CDH13: variants seen among roughly 807,000 people sequenced by gnomAD.
CDH13 encodes cadherin-13.
A neutral mutation model predicts 63.8 loss-of-function variants in CDH13; 24 were observed. The observed-to-expected ratio is 0.38, with a 90% CI of 0.27 to 0.53. CDH13 has a LOEUF of 0.53. Ranked by LOEUF, CDH13 falls within the 20% of genes least tolerant of loss-of-function variation. The pLI is 0.85. For missense variants in CDH13, 1,049 were observed against 903.1 expected, an observed-to-expected ratio of 1.16 and a Z score of -2.07; for synonymous variants, 503 against 355.3, an observed-to-expected ratio of 1.42 and a Z score of -4.67.
intron 10 of CDH13, among the ~76,000 whole-genome samples, chr16:83,746,330 G>A (rs951582215): frequency 8.5e-5 from 13 of 152,130 alleles, no homozygotes; most frequent in East Asian, 1.9e-4. Flanking sequence ...CTCCACGGTC[G>A]TGTGGTCTTC....
At chr16:83,307,862 C>T (rs961133402) in intron 5 of CDH13, among the ~76,000 whole-genome samples, 1 of 152,074 alleles carries the variant, frequency 6.6e-6, no homozygotes, top group African/African-American at 2.4e-5. Flanking sequence ...TGCGTGCTGC[C>T]GTTAGCTGAA....
intron 2 of CDH13, among the ~76,000 whole-genome samples, chr16:82,913,580 C>T (rs1007915283): frequency 2.0e-5 from 3 of 152,122 alleles, no homozygotes; most frequent in Admixed American, 6.5e-5. Flanking sequence ...TTTGGGGAAA[C>T]AGCCTAAGGT....
At chr16:82,927,163 C>T (rs954531185) in intron 2 of CDH13, among the ~76,000 whole-genome samples, 1 of 151,980 alleles carries the variant, frequency 6.6e-6, no homozygotes, top group Non-Finnish European at 1.5e-5. Flanking sequence ...GTAGGTGGTG[C>T]CAAGAGTGAG....
chr16:83,062,433 T>A (rs2031645215), intron 3 of CDH13, among the ~76,000 whole-genome samples: 2 of 152,214 alleles, frequency 1.3e-5, no homozygotes, highest in South Asian at 2.1e-4. Context: ...CAGTAAGAAG[T>A]ATCAATGTGG....
rs148647688 is a variant in CDH13 at position 83,169,185 on chromosome 16, C to CTTTT, written c.483+43691_483+43694dup. The stretch of plus-strand genomic sequence containing the variant: ...TGCCGGCATTCAGTGCTTAGGTTTC[C>CTTTT]TTTTTTTTTTGAGACGGCATCTCAC... On this transcript the variant is annotated intron_variant, in intron 4 of 13. Coordinates refer to ENST00000567109, the MANE Select transcript of CDH13 (RefSeq NM_001257.5). 3.2e-3 allele frequency among the ~76,000 whole-genome samples: 473 copies of CTTTT among 148,690 alleles called. 2 individuals carry two copies. Among genetic ancestry groups the CTTTT allele is most frequent in the African/African-American group, 7.8e-3 (315 of 40,588 alleles).
chr16:83,549,638 C>T (rs1307077308), intron 7 of CDH13, among the ~76,000 whole-genome samples: 4 of 133,436 alleles, frequency 3.0e-5, no homozygotes, highest in Non-Finnish European at 6.5e-5. Context: ...TTTTTCTCTA[C>T]GCTCAAAAAA....
chr16:83,194,502 G>C (rs113355224), intron 4 of CDH13, among the ~76,000 whole-genome samples: 5 of 152,312 alleles, frequency 3.3e-5, no homozygotes, highest in African/African-American at 1.2e-4. Context: ...AGCTGTCACT[G>C]ATTATTCTAC....
chr16:83,492,517 G>A (rs1391492167), intron 7 of CDH13, among the ~76,000 whole-genome samples: 1 of 152,122 alleles, frequency 6.6e-6, no homozygotes, highest in East Asian at 1.9e-4. Context: ...ACTTGCTGCT[G>A]TGAAAATTGA....
chr16:82,978,753 G>A (rs1367800748), intron 2 of CDH13, among the ~76,000 whole-genome samples: 3 of 152,262 alleles, frequency 2.0e-5, no homozygotes, highest in African/African-American at 7.2e-5. Flanking sequence ...GAGAACCTCT[G>A]CTAGAGCAGT....
intron 7 of CDH13, among the ~76,000 whole-genome samples, chr16:83,568,778 AGTTCCTCCTCCAGAGCTCCTCGT>A (rs1171876348): frequency 6.6e-6 from 1 of 152,116 alleles, no homozygotes; most frequent in Non-Finnish European, 1.5e-5. Flanking sequence ...CCTCAGTCCC[AGTTCCTCCTCCAGAGCTCCTCGT>A]GATCATCTCC....
chr16:83,188,401 T>C (rs1432548791), intron 4 of CDH13, among the ~76,000 whole-genome samples: 2 of 152,152 alleles, frequency 1.3e-5, no homozygotes, highest in Admixed American at 6.5e-5. Context: ...CTCTGTTTTA[T>C]TGAGTGTGGT....
chr16:83,092,049 T>C (rs1276590502), intron 3 of CDH13, among the ~76,000 whole-genome samples: 1 of 152,258 alleles, frequency 6.6e-6, no homozygotes, highest in Non-Finnish European at 1.5e-5. Flanking sequence ...TAAGTTCTAA[T>C]TCACTTGACA....
chr16:83,371,196 A>G lies in CDH13; in HGVS notation c.781+26190A>G, dbSNP rs75905328. Among the ~76,000 whole-genome samples the G allele has an allele frequency of 9.5e-3, 1,440 of 152,322 alleles. 22 individuals carry two copies. Among genetic ancestry groups the G allele is most frequent in the African/African-American group, 0.033 (1,391 of 41,546 alleles). On this transcript the variant is annotated intron_variant, in intron 6 of 13. Transcript: ENST00000567109. ...CATTGTTAGATATATACCCAAATAA[A>G]TATAAATCATTCTGCCATAAAGATG...
At chr16:82,869,283 C>T (rs899986255) in intron 2 of CDH13, among the ~76,000 whole-genome samples, 6 of 151,946 alleles carry the variant, frequency 3.9e-5, no homozygotes, top group Admixed American at 1.3e-4. Flanking sequence ...TGGCCTCAAA[C>T]GATCGTCCTG....
intron 5 of CDH13, among the ~76,000 whole-genome samples, chr16:83,312,626 A>C (rs1362978560): frequency 2.0e-5 from 3 of 152,172 alleles, no homozygotes; most frequent in Non-Finnish European, 4.4e-5. Flanking sequence ...GTCTACAGGG[A>C]AACACAGAGA....
At chr16:82,702,962 G>C (rs989384094) in intron 1 of CDH13, among the ~76,000 whole-genome samples, 4 of 152,048 alleles carry the variant, frequency 2.6e-5, no homozygotes, top group African/African-American at 9.7e-5. Flanking sequence ...CCTTTTTTTA[G>C]CTTGGTGAGG....
At chr16:83,656,096 C>T (rs1339327504) in intron 8 of CDH13, among the ~76,000 whole-genome samples, 1 of 152,164 alleles carries the variant, frequency 6.6e-6, no homozygotes, top group Non-Finnish European at 1.5e-5. Context: ...ATTCCCACCC[C>T]TCACACCCAG....
intron 1 of CDH13, among the ~76,000 whole-genome samples, chr16:82,842,873 C>G (rs766324525): frequency 1.6e-4 from 24 of 152,192 alleles, no homozygotes; most frequent in African/African-American, 4.3e-4. Context: ...AGCATGCAAC[C>G]TAGATCCGTT....
At chr16:83,782,547 C>A (rs2151010933) in intron 12 of CDH13, among the ~76,000 whole-genome samples, 1 of 152,132 alleles carries the variant, frequency 6.6e-6, no homozygotes. Context: ...ACCAGCATGG[C>A]CAATATGGTG....
Sources: gnomAD v4.1 joint callset for allele counts (sites outside exome capture counted in the v4.1 genomes callset) on GRCh38, gnomAD v4.1.1 for gene constraint, MANE v1.5 for transcripts, NCBI Gene and HGNC (gene_info 2026-07-23, HGNC 2026-07-21) for gene names.